PIK3CB: variants seen among roughly 807,000 people sequenced by gnomAD.
PIK3CB encodes the protein phosphatidylinositol 4,5-bisphosphate 3-kinase catalytic subunit beta isoform.
In PIK3CB, 39 loss-of-function variants were observed where a neutral mutation model predicts 136.8. The observed-to-expected ratio is 0.29, with a 90% CI of 0.22 to 0.37. The LOEUF is 0.37. Ranked by LOEUF, PIK3CB falls within the 10% of genes least tolerant of loss-of-function variation. The pLI, the probability that PIK3CB is intolerant of heterozygous loss-of-function variation, is 1.00. For synonymous variants in PIK3CB, 428 were observed against 436.6 expected (o/e 0.98, Z 0.25); for missense variants, 868 against 1,275.4 (o/e 0.68, Z 4.87).
At chr3:138,793,548 A>G (rs993856621) in intron 2 of PIK3CB, among the ~76,000 whole-genome samples, 1 of 151,878 alleles carries the variant, frequency 6.6e-6, no homozygotes, top group Non-Finnish European at 1.5e-5. Context: ...AGAGGTTGCA[A>G]TGAGCCAAGA....
chr3:138,769,178 C>T (rs1423685449), intron 2 of PIK3CB, among the ~76,000 whole-genome samples: 5 of 152,224 alleles, frequency 3.3e-5, no homozygotes, highest in Non-Finnish European at 7.3e-5. Context: ...CACCTCCTTG[C>T]TGCAGCTGGC....
rs765437306 is a variant in PIK3CB, at chr3:138,733,470, T to A, written c.973-32A>T. On this transcript the variant is annotated intron_variant, in intron 7 of 23. Transcript: ENST00000674063. Reference sequence around the variant, plus strand: ...AAGAATAAAATAAATACAAATTATTTTAATGAAAGAAATGAATATTCTATG... The same window carrying A: ...AAGAATAAAATAAATACAAATTATTATAATGAAAGAAATGAATATTCTATG... 6 of 1,092,090 alleles carry A rather than the reference T, an allele frequency of 5.5e-6. No homozygotes were observed. In the South Asian group the frequency reaches 8.2e-5, roughly 15 times the overall value. 67.6% of individuals were successfully genotyped at this position (1,092,090 alleles called of 1,614,324 possible).
rs1199981606 is a variant in PIK3CB at position 138,834,674 on chromosome 3, GGTCCCGGCCGCCGCACTCACCTGCCTGGC to G, written c.-130_-122+20del. On this transcript the variant is annotated splice_donor_variant and splice_donor_5th_base_variant and 5_prime_UTR_variant and intron_variant, in exon 1 of 24. Transcript: ENST00000674063. LOFTEE classifies it low-confidence loss of function (5UTR_SPLICE). The stretch of plus-strand genomic sequence containing the variant: ...CCGCCCCTCAGCCGCGCCGCATCCG[GGTCCCGGCCGCCGCACTCACCTGCCTGGC>G]GTTCCGCCGCCGCCGCCTGCTACTA... 1 of 154,652 alleles carries G rather than the reference GGTCCCGGCCGCCGCACTCACCTGCCTGGC, an allele frequency of 6.5e-6. No homozygotes were observed. The highest frequency in any genetic ancestry group is 2.4e-5 in the African/African-American group (1 of 41,446). The allele number at this position is 154,652 out of a possible 1,614,324, so 9.6% of individuals were successfully genotyped here. A position where few individuals can be genotyped will look rare whatever the true frequency, so the allele number is the denominator to read the frequency against.
Position 138,691,113 on chromosome 3 carries a change from T to C in PIK3CB, c.1923A>G (p.Gln641=), listed in dbSNP as rs774699175. The C allele has an allele frequency of 3.7e-6, 6 of 1,612,898 alleles. No individual in the cohort carries two copies. The African/African-American group carries it at 4.0e-5, about 11-fold the overall frequency. Residue 641 remains glutamine (Q), a synonymous_variant, in exon 15 of 24, where the codon CAA becomes CAG. Coordinates refer to ENST00000674063, the MANE Select transcript of PIK3CB (RefSeq NM_006219.3). ...SDEELSQYLL[Q]LVQVLKYEPF... ...GCTCATATTTTAACACTTGCACCAGTTGTAAAAGATATTGAGAAAGTTCTT... is the reference window on the plus strand; with the variant it reads ...GCTCATATTTTAACACTTGCACCAGCTGTAAAAGATATTGAGAAAGTTCTT...
Position 138,665,060 on chromosome 3 carries a change from T to C in PIK3CB, c.2648A>G (p.Asn883Ser). The C allele has an allele frequency of 6.2e-7, 1 of 1,612,054 alleles. No individual in the cohort carries two copies. Among genetic ancestry groups the C allele is most frequent in the Non-Finnish European group, 8.5e-7 (1 of 1,178,702 alleles). ...AAAFNKDALL[N>S]WLKEYNSGDD... ...CCCAGAGTTGTATTCTTTAAGCCAGTTCAGAAGGGCATCTTTGTTGAAGGC... is the reference window on the plus strand; with the variant it reads ...CCCAGAGTTGTATTCTTTAAGCCAGCTCAGAAGGGCATCTTTGTTGAAGGC... The change falls in exon 20 of 24, where the codon AAC becomes AGC. Residue 883 changes from asparagine (N) to serine (S), a missense_variant. This residue lies in a region of PIK3CB where 165 missense variants were observed against 295.4 expected (regional missense o/e 0.56). Coordinates refer to ENST00000674063, the MANE Select transcript of PIK3CB (RefSeq NM_006219.3).
At chr3:138,773,630 T>C (rs2045825534) in intron 2 of PIK3CB, among the ~76,000 whole-genome samples, 1 of 152,214 alleles carries the variant, frequency 6.6e-6, no homozygotes, top group Non-Finnish European at 1.5e-5. Flanking sequence ...AAAAATTAAA[T>C]GGTCTTCTTC....
intron 3 of PIK3CB, among the ~76,000 whole-genome samples, chr3:138,758,692 T>C (rs1433918946): frequency 3.3e-5 from 5 of 152,228 alleles, no homozygotes; most frequent in Non-Finnish European, 7.3e-5. Context: ...TGGGTTCAGC[T>C]TTTTGAAAAA....
chr3:138,695,867 TGCCTCA>T (rs933515148), intron 13 of PIK3CB, among the ~76,000 whole-genome samples: 1 of 151,594 alleles, frequency 6.6e-6, no homozygotes, highest in Non-Finnish European at 1.5e-5. Context: ...CAGATTCTCC[TGCCTCA>T]GCCTCCCGAG....
intron 1 of PIK3CB, chr3:138,825,540 C>T: frequency 1.5e-6 from 1 of 657,492 alleles, no homozygotes; most frequent in Non-Finnish European, 2.7e-6. Context: ...GGAACAGTGA[C>T]AACATGCTGA....
At chr3:138,719,087 G>A (rs1351904985) in intron 8 of PIK3CB, among the ~76,000 whole-genome samples, 1 of 151,880 alleles carries the variant, frequency 6.6e-6, no homozygotes, top group Non-Finnish European at 1.5e-5. Flanking sequence ...AAAAGCCTGG[G>A]CACTTTCATT....
intron 1 of PIK3CB, among the ~76,000 whole-genome samples, chr3:138,804,461 G>A (rs978691545): frequency 1.3e-5 from 2 of 152,080 alleles, no homozygotes; most frequent in African/African-American, 2.4e-5. Context: ...GCTGCAGTGA[G>A]CCATGATCAT....
intron 19 of PIK3CB, among the ~76,000 whole-genome samples, chr3:138,678,979 T>C (rs924633739): frequency 6.6e-6 from 1 of 152,044 alleles, no homozygotes; most frequent in African/African-American, 2.4e-5. Context: ...GGTATGAGAA[T>C]TGCTTGAACC....
chr3:138,804,306 G>A (rs142470881), intron 1 of PIK3CB, among the ~76,000 whole-genome samples: 1 of 152,082 alleles, frequency 6.6e-6, no homozygotes, highest in Non-Finnish European at 1.5e-5. Context: ...TTGAGCCCAG[G>A]AGTTCAAGAC....
chr3:138,757,891 C>T (rs2045602476), intron 3 of PIK3CB, among the ~76,000 whole-genome samples: 1 of 152,112 alleles, frequency 6.6e-6, no homozygotes, highest in South Asian at 2.1e-4. Context: ...CACTGTGAAC[C>T]AACAATCACA....
chr3:138,689,714 T>G (rs2043968567), intron 15 of PIK3CB, among the ~76,000 whole-genome samples: 1 of 152,288 alleles, frequency 6.6e-6, no homozygotes, highest in African/African-American at 2.4e-5. Context: ...ATTCTATAAT[T>G]AGTTAATACT....
At chr3:138,816,435 A>C (rs1933332872) in intron 1 of PIK3CB, among the ~76,000 whole-genome samples, 1 of 151,972 alleles carries the variant, frequency 6.6e-6, no homozygotes, top group Non-Finnish European at 1.5e-5. Flanking sequence ...CTCTACTAAA[A>C]ATACAAAAAT....
intron 19 of PIK3CB, among the ~76,000 whole-genome samples, chr3:138,679,008 G>C (rs1162596673): frequency 6.6e-6 from 1 of 152,152 alleles, no homozygotes; most frequent in African/African-American, 2.4e-5. Flanking sequence ...AGAGATTGCA[G>C]TGAGCTGAGA....
chr3:138,817,849 G>A (rs1282724524), intron 1 of PIK3CB, among the ~76,000 whole-genome samples: 2 of 152,290 alleles, frequency 1.3e-5, no homozygotes, highest in Middle Eastern at 3.4e-3. Flanking sequence ...AGTCACCAGA[G>A]GCTGAAGTGG....
At chr3:138,751,971 T>TAAAAAA (rs11328258) in intron 4 of PIK3CB, among the ~76,000 whole-genome samples, 1 of 114,692 alleles carries the variant, frequency 8.7e-6, no homozygotes. Flanking sequence ...ACTCTGTATA[T>TAAAAAA]AAAAAAAAAA....
Sources: gnomAD v4.1 joint callset for allele counts (sites outside exome capture counted in the v4.1 genomes callset) on GRCh38, gnomAD v4.1.1 for gene constraint, gnomAD v4.1.1 regional missense constraint, MANE v1.5 for transcripts, NCBI Gene and HGNC (gene_info 2026-07-23, HGNC 2026-07-21) for gene names.